Variants in STAT2 observed in about 807,000 individuals in gnomAD.
STAT2 encodes the protein interferon alpha induced transcriptional activator.
A neutral mutation model predicts 122.3 loss-of-function variants in STAT2; 51 were observed. The ratio of observed to expected loss-of-function variants is 0.42; its 90% confidence interval spans 0.33 to 0.53. The LOEUF is 0.53. Ranked by LOEUF, STAT2 falls within the 20% of genes least tolerant of loss-of-function variation. The pLI, the probability that STAT2 is intolerant of heterozygous loss-of-function variation, is 0.10. For missense variants in STAT2, 736 were observed against 1,010.3 expected (o/e 0.73, Z 3.68); for synonymous variants, 351 against 394.9 (o/e 0.89, Z 1.32).
Position 56,354,627 on chromosome 12 carries a change from T to A in STAT2, c.634-13A>T. 1.2e-6 allele frequency: 2 copies of A among 1,614,084 alleles called. No homozygotes were observed. Among genetic ancestry groups the A allele is most frequent in the Non-Finnish European group, 1.7e-6 (2 of 1,179,982 alleles). Reference sequence around the variant, plus strand: ...CATCCAGCACCTCCTGGGAAAGAGATAATGTGAGTGTTGAGCATCTCTCCC... The same window carrying A: ...CATCCAGCACCTCCTGGGAAAGAGAAAATGTGAGTGTTGAGCATCTCTCCC... On this transcript the variant is annotated splice_polypyrimidine_tract_variant and intron_variant, in intron 7 of 23. Transcript: ENST00000314128.
intron 10 of STAT2, 64 bp downstream of exon 10, chr12:56,351,034 A>T: frequency 1.3e-6 from 2 of 1,592,198 alleles, no homozygotes; most frequent in Non-Finnish European, 1.7e-6. Context: ...AGAGCTGTAA[A>T]GCCAGAAAAT....
chr12:56,349,323 G>A, intron 15 of STAT2, 62 bp from the exon 16 acceptor site: 1 of 1,614,078 alleles, frequency 6.2e-7, no homozygotes, highest in Non-Finnish European at 8.5e-7. Context: ...GTATTTGTTA[G>A]AGGAAAGGAG....
In STAT2 at chr12:56,348,569, C is replaced by T. The variant is rs1565651077; in HGVS notation, c.1684G>A (p.Glu562Lys). ...TCCTTCAGGTGGTCATGTACCAACT[C>T]CAGAATTTTGTCCAGCCATGTCCAG... The part of the protein sequence containing the change: ...PFWTWLDKIL[E>K]LVHDHLKDLW... Residue 562 changes from glutamate to lysine, a missense_variant, in exon 19 of 24, where the codon GAG becomes AAG. Physicochemically the swap from Glu to Lys is moderately conservative, Grantham distance 56. Coordinates refer to ENST00000314128, the MANE Select transcript of STAT2 (RefSeq NM_005419.4). The T allele has an allele frequency of 2.5e-6, 4 of 1,614,022 alleles. No homozygotes were observed. The highest frequency in any genetic ancestry group is 3.3e-5 in the Admixed American group (2 of 59,998).
rs1302088781 is a variant in STAT2 at position 56,345,518 on chromosome 12, A to ATATATATATATATATAT, written c.2102+627_2102+628insATATATATATATATATA. Among the ~76,000 whole-genome samples, 3 of 25,434 alleles carry ATATATATATATATATAT rather than the reference A, an allele frequency of 1.2e-4. No homozygotes were observed. The African/African-American group carries it at 1.6e-3, about 14-fold the overall frequency. 16.7% of individuals were successfully genotyped at this position (25,434 alleles called of 152,430 possible). A position where few individuals can be genotyped will look rare whatever the true frequency, so the allele number is the denominator to read the frequency against. ...CTCAAAAAAAAAAAAAAAAAAAAAA[A>ATATATATATATATATAT]AAAAAAATATATATATATGCGGGGT... On this transcript the variant is annotated intron_variant, in intron 22 of 23. Coordinates refer to ENST00000314128, the MANE Select transcript of STAT2 (RefSeq NM_005419.4).
At chr12:56,355,987 T>A (rs1879451165) in intron 3 of STAT2, 145 bp downstream of exon 3, 4 of 1,293,558 alleles carry the variant, frequency 3.1e-6, no homozygotes, top group Non-Finnish European at 1.1e-6. Flanking sequence ...CTGCTAGTGA[T>A]TCCCCAAGTC....
intron 19 of STAT2, 38 bp from the exon 20 acceptor site, chr12:56,346,993 A>G (rs1592468435): frequency 5.0e-6 from 8 of 1,603,462 alleles, no homozygotes; most frequent in Non-Finnish European, 6.8e-6. Context: ...ACCGCCCAAC[A>G]CCCTGCCCCA....
At position 56,350,904 on chromosome 12, in the gene STAT2, G is replaced by A. The variant is rs1471626753; in HGVS notation, c.1035-16C>T. ...CACCAGCAGCCTGGGGGAAGGAAGG[G>A]GGATAGGGGAAAGTGGTCAACCTCA... On this transcript the variant is annotated splice_polypyrimidine_tract_variant and intron_variant, in intron 10 of 23. Coordinates refer to ENST00000314128, the MANE Select transcript of STAT2 (RefSeq NM_005419.4). The A allele has an allele frequency of 1.2e-6, 2 of 1,614,088 alleles. No individual in the cohort carries two copies. The highest frequency in any genetic ancestry group is 1.7e-6 in the Non-Finnish European group (2 of 1,179,998).
rs1410499397 is a variant in STAT2, at chr12:56,342,024, C to G, written c.*1365G>C. On this transcript the variant is annotated 3_prime_UTR_variant, in exon 24 of 24. Transcript: ENST00000314128. ...ATAAAAAAGAAATTCCTGCTGGGAA[C>G]AGTGGCTCACGCCTGTAATCCCAGC... 1 of 152,188 alleles carries G rather than the reference C, an allele frequency of 6.6e-6. No individual in the cohort carries two copies. Among genetic ancestry groups the G allele is most frequent in the Admixed American group, 6.5e-5 (1 of 15,268 alleles). 9.4% of individuals were successfully genotyped at this position (152,188 alleles called of 1,614,324 possible).
chr12:56,348,991 C>T lies in STAT2; in HGVS notation c.1509G>A (p.Gln503=), dbSNP rs1877994236. 4 of 1,614,028 alleles carry T rather than the reference C, an allele frequency of 2.5e-6. No individual in the cohort carries two copies. The highest frequency in any genetic ancestry group is 3.4e-6 in the Non-Finnish European group (4 of 1,180,000). Residue 503 remains glutamine, a synonymous_variant, in exon 17 of 24, where the codon CAG becomes CAA. Coordinates refer to ENST00000314128, the MANE Select transcript of STAT2 (RefSeq NM_005419.4). ...WSLLGPALSW[Q]FSSYVGRGLN... ...GGCCTCGGCCAACATAGGAGGAGAA[C>T]TGCCAACTGAGAGCAGGGCCCAGCA...
At chr12:56,354,037 AT>A (rs1565657703) in intron 8 of STAT2, among the ~76,000 whole-genome samples, 7 of 86,962 alleles carry the variant, frequency 8.0e-5, no homozygotes, top group African/African-American at 2.4e-4. Context: ...ATATATATAT[AT>A]ATAAAAAATA....
chr12:56,354,311 A>C, intron 8 of STAT2, 155 bp downstream of exon 8: 1 of 1,144,602 alleles, frequency 8.7e-7, no homozygotes, highest in Middle Eastern at 3.0e-4. Context: ...CGTGGTGAGG[A>C]TGAGGAGCAG....
At chr12:56,352,069 A>G (rs187718336) in intron 8 of STAT2, among the ~76,000 whole-genome samples, 39 of 151,702 alleles carry the variant, frequency 2.6e-4, no homozygotes, top group Middle Eastern at 3.4e-3. Context: ...ACTTATATAT[A>G]TATATTTTTA....
At chr12:56,343,653 T>G (rs1876905669) in intron 23 of STAT2, 122 bp from the exon 24 acceptor site, 7 of 1,521,584 alleles carry the variant, frequency 4.6e-6, no homozygotes, top group Non-Finnish European at 6.2e-6. Context: ...ACTTGTGGGA[T>G]GAAAGAGCAG....
rs1350927025 is a variant in STAT2 at position 56,358,187 on chromosome 12, G to A, written c.-7-1609C>T. The stretch of plus-strand genomic sequence containing the variant: ...GCTAAAGCATTTAAAGATCAGTGTT[G>A]ATGTTAAGTATTTATTACAGCATGA... On this transcript the variant is annotated intron_variant, in intron 1 of 23. Coordinates refer to ENST00000314128, the MANE Select transcript of STAT2 (RefSeq NM_005419.4). 2.0e-5 allele frequency among the ~76,000 whole-genome samples: 3 copies of A among 150,302 alleles called. No homozygotes were observed. The East Asian group carries it at 5.8e-4, about 29-fold the overall frequency.
In STAT2 at chr12:56,356,205, C is replaced by T. The variant is rs750894216; in HGVS notation, c.212G>A (p.Cys71Tyr). 9.3e-6 allele frequency: 15 copies of T among 1,614,080 alleles called. No individual in the cohort carries two copies. Among genetic ancestry groups the T allele is most frequent in the African/African-American group, 1.3e-5 (1 of 75,062 alleles). The change falls in exon 3 of 24, where the codon TGT (cysteine) becomes TAT (tyrosine). Residue 71 changes from cysteine (C) to tyrosine (Y), a missense_variant. Physicochemically the swap from Cys to Tyr is radical, Grantham distance 194 (BLOSUM62 -2). Transcript: ENST00000314128. ...CTCTGGGTCCTGGCTGCAACGGCCA[C>T]ACTCATAGTTCAGCTGATCCAAGAA... ...FHFLDQLNYE[C>Y]GRCSQDPESL...
At chr12:56,351,570 A>T in intron 8 of STAT2, 120 bp from the exon 9 acceptor site, 1 of 1,074,428 alleles carries the variant, frequency 9.3e-7, no homozygotes, top group Non-Finnish European at 1.3e-6. Flanking sequence ...AAGAAAAAAA[A>T]AGAATCCAGG....
Position 56,354,547 on chromosome 12 carries a change from T to C in STAT2, c.701A>G (p.Lys234Arg), listed in dbSNP as rs1372341286. 2 of 1,614,182 alleles carry C rather than the reference T, an allele frequency of 1.2e-6. No homozygotes were observed. The highest frequency in any genetic ancestry group is 2.2e-5 in the South Asian group (2 of 91,078). Residue 234 changes from lysine (K) to arginine (R), a missense_variant, in exon 8 of 24, where the codon AAG (lysine) becomes AGG (arginine). Physicochemically the swap from Lys to Arg is conservative, Grantham distance 26 (BLOSUM62 2). Transcript: ENST00000314128. ...LTTLIELLLP[K>R]LEEWKAQQQK... ...CTGCTGGGCCTTCCACTCCTCCAAC[T>C]TTGGCAGCAGTAGCTCGATTAGGGT...
chr12:56,351,403 T>C lies in STAT2; in HGVS notation c.830A>G (p.Lys277Arg), dbSNP rs910154908. The change falls in exon 9 of 24, where the codon AAG becomes AGG. Residue 277 changes from lysine (K) to arginine (R), a missense_variant. Coordinates refer to ENST00000314128, the MANE Select transcript of STAT2 (RefSeq NM_005419.4). Reference sequence around the variant, plus strand: ...CAGGCAACTCAGTCCCTTCAGCTCCTTCAGCAGCTGCCTCAGGTGAAACAA... The same window carrying C: ...CAGGCAACTCAGTCCCTTCAGCTCCCTCAGCAGCTGCCTCAGGTGAAACAA... ...KLLFHLRQLL[K>R]ELKGLSCLVS... 27 of 1,614,068 alleles carry C rather than the reference T, an allele frequency of 1.7e-5. No homozygotes were observed. Among genetic ancestry groups the C allele is most frequent in the Non-Finnish European group, 2.2e-5 (26 of 1,180,010 alleles).
chr12:56,354,042 A>ATATATATATAT lies in STAT2; in HGVS notation c.782+423_782+424insATATATATATA, dbSNP rs1565657762. Among the ~76,000 whole-genome samples the ATATATATATAT allele has an allele frequency of 1.2e-3, 38 of 32,234 alleles. 2 individuals carry two copies. The highest frequency in any genetic ancestry group is 5.0e-3 in the South Asian group (2 of 398). 21.1% of individuals were successfully genotyped at this position (32,234 alleles called of 152,430 possible). A position where few individuals can be genotyped will look rare whatever the true frequency, so the allele number is the denominator to read the frequency against. ...ATATATATATATATATATATATATA[A>ATATATATATAT]AAAATACTGTTAAGCTTAAAAAAAA... On this transcript the variant is annotated intron_variant, in intron 8 of 23. Coordinates refer to ENST00000314128, the MANE Select transcript of STAT2 (RefSeq NM_005419.4).
Sources: gnomAD v4.1 joint callset for allele counts (sites outside exome capture counted in the v4.1 genomes callset) on GRCh38, gnomAD v4.1.1 for gene constraint, MANE v1.5 for transcripts, NCBI Gene and HGNC (gene_info 2026-07-23, HGNC 2026-07-21) for gene names.